Variants in AMBRA1 observed in about 807,000 individuals in gnomAD.
AMBRA1 encodes activating molecule in BECN1-regulated autophagy protein 1.
In AMBRA1, 47 loss-of-function variants were observed where a neutral mutation model predicts 125.4. The observed-to-expected ratio is 0.37, with a 90% CI of 0.30 to 0.48. The LOEUF (loss-of-function observed/expected upper bound fraction) is 0.48. Ranked by LOEUF, AMBRA1 falls within the 20% of genes least tolerant of loss-of-function variation. AMBRA1 has a pLI of 0.99. For synonymous variants in AMBRA1, 626 were observed against 655.5 expected (o/e 0.95, Z 0.69); for missense variants, 1,331 against 1,693.4 (o/e 0.79, Z 3.76).
intron 7 of AMBRA1, among the ~76,000 whole-genome samples, chr11:46,539,858 G>A (rs1455618044): frequency 6.6e-6 from 1 of 152,032 alleles, no homozygotes; most frequent in African/African-American, 2.4e-5. Flanking sequence ...TTGAGATGGA[G>A]TCTTGCTCCA....
intron 11 of AMBRA1, among the ~76,000 whole-genome samples, chr11:46,457,413 AG>A (rs942424702): frequency 1.3e-5 from 2 of 152,226 alleles, no homozygotes; most frequent in African/African-American, 4.8e-5. Flanking sequence ...TCACCTTGGA[AG>A]GGGGGAAAAA....
At chr11:46,531,587 G>C (rs1443061805) in intron 7 of AMBRA1, among the ~76,000 whole-genome samples, 1 of 152,044 alleles carries the variant, frequency 6.6e-6, no homozygotes, top group Non-Finnish European at 1.5e-5. Context: ...GTGGGCACCT[G>C]TAATCCCAGC....
intron 7 of AMBRA1, among the ~76,000 whole-genome samples, chr11:46,540,886 T>C (rs988591283): frequency 6.6e-6 from 1 of 152,166 alleles, no homozygotes; most frequent in Non-Finnish European, 1.5e-5. Flanking sequence ...CCACAGTGCC[T>C]AGCACAGTGT....
rs1056447708 is a variant in AMBRA1, at chr11:46,410,967, G to A, written c.3117-599C>T. 2.6e-5 allele frequency among the ~76,000 whole-genome samples: 4 copies of A among 152,272 alleles called. 1 individual carries two copies. In the South Asian group the frequency reaches 8.3e-4, roughly 32 times the overall value. ...AATACAAAAATTAGCTGGCCGTGGT[G>A]GCACATGCCTGTAGTCCCAGCTACT... On this transcript the variant is annotated intron_variant, in intron 15 of 17. Coordinates refer to ENST00000683756, the MANE Select transcript of AMBRA1 (RefSeq NM_001387011.1).
chr11:46,520,444 C>T (rs912428889), intron 7 of AMBRA1, among the ~76,000 whole-genome samples: 1 of 152,176 alleles, frequency 6.6e-6, no homozygotes, highest in African/African-American at 2.4e-5. Context: ...CACTATCCCA[C>T]CTACGTTATT....
intron 11 of AMBRA1, among the ~76,000 whole-genome samples, chr11:46,476,417 G>A (rs879733169): frequency 6.6e-6 from 1 of 152,240 alleles, no homozygotes; most frequent in African/African-American, 2.4e-5. Flanking sequence ...AGATAATAGT[G>A]GTGGGGAGAT....
At chr11:46,593,518 G>C (rs2044681884) in intron 1 of AMBRA1, among the ~76,000 whole-genome samples, 1 of 152,178 alleles carries the variant, frequency 6.6e-6, no homozygotes, top group Non-Finnish European at 1.5e-5. Context: ...AGAAAGGAAG[G>C]AGGGTCAAAG....
rs1489172582 is a variant in AMBRA1, at chr11:46,546,908, T to C, written c.378+205A>G. On this transcript the variant is annotated intron_variant, in intron 4 of 17. Coordinates refer to ENST00000683756, the MANE Select transcript of AMBRA1 (RefSeq NM_001387011.1). ...CAACATAGTGAATCCCCGTCTCTAC[T>C]AAAAACACAAAAATGAGCCAGGCAT... The C allele has an allele frequency of 1.8e-5, 8 of 439,356 alleles. No homozygotes were observed. In the South Asian group the frequency reaches 2.3e-4, roughly 13 times the overall value. 27.2% of individuals were successfully genotyped at this position (439,356 alleles called of 1,614,324 possible).
chr11:46,574,375 G>A (rs942674871), intron 1 of AMBRA1, among the ~76,000 whole-genome samples: 1 of 151,172 alleles, frequency 6.6e-6, no homozygotes, highest in African/African-American at 2.5e-5. Context: ...GTGTGAGATG[G>A]TATCTCATTG....
chr11:46,593,160 CA>C (rs1315360874), intron 1 of AMBRA1, among the ~76,000 whole-genome samples: 4 of 152,194 alleles, frequency 2.6e-5, no homozygotes, highest in Non-Finnish European at 5.9e-5. Context: ...ATATTCCTAA[CA>C]GTCTATATTC....
chr11:46,448,804 T>C (rs1467392337), intron 11 of AMBRA1, among the ~76,000 whole-genome samples: 1 of 152,164 alleles, frequency 6.6e-6, no homozygotes, highest in Non-Finnish European at 1.5e-5. Flanking sequence ...AATAAGGGAA[T>C]ACTATGAACA....
intron 11 of AMBRA1, among the ~76,000 whole-genome samples, chr11:46,489,067 A>AT (rs902842292): frequency 1.0e-3 from 156 of 148,714 alleles, no homozygotes; most frequent in Non-Finnish European, 1.4e-3. Flanking sequence ...CGCCCGGTTA[A>AT]TTTTTTTTTT....
At chr11:46,589,447 C>T (rs1377479317) in intron 1 of AMBRA1, among the ~76,000 whole-genome samples, 2 of 152,106 alleles carry the variant, frequency 1.3e-5, no homozygotes, top group Non-Finnish European at 2.9e-5. Flanking sequence ...TTAAAGGAAC[C>T]TAAGTTTTTT....
Position 46,397,594 on chromosome 11 carries a change from G to T in AMBRA1, c.3753C>A (p.Ser1251=), listed in dbSNP as rs747977891. ...GGGAAACAGGAATGGGGACAGGGGAGGAAGAGGGCAGGGTTGGCTGGGTTG... is the reference window on the plus strand; with the variant it reads ...GGGAAACAGGAATGGGGACAGGGGATGAAGAGGGCAGGGTTGGCTGGGTTG... ...REPTQPTLPS[S]SPVPIPVSLP... The change falls in exon 18 of 18, where the codon TCC becomes TCA. Residue 1251 remains serine, a synonymous_variant. Coordinates refer to ENST00000683756, the MANE Select transcript of AMBRA1 (RefSeq NM_001387011.1). 1.2e-6 allele frequency: 2 copies of T among 1,603,566 alleles called. No individual in the cohort carries two copies. Among genetic ancestry groups the T allele is most frequent in the South Asian group, 2.2e-5 (2 of 89,532 alleles).
chr11:46,503,016 G>T (rs1400314032), intron 9 of AMBRA1, among the ~76,000 whole-genome samples: 1 of 137,752 alleles, frequency 7.3e-6, no homozygotes, highest in Non-Finnish European at 1.5e-5. Flanking sequence ...AGCCGAGATT[G>T]TGCCGCTGCA....
At chr11:46,424,225 A>G (rs1191402371) in intron 14 of AMBRA1, among the ~76,000 whole-genome samples, 2 of 152,206 alleles carry the variant, frequency 1.3e-5, no homozygotes, top group Non-Finnish European at 2.9e-5. Flanking sequence ...CCCAGCAGAA[A>G]AAAAGGGCAA....
chr11:46,529,731 C>A (rs534539886), intron 7 of AMBRA1, among the ~76,000 whole-genome samples: 16 of 152,022 alleles, frequency 1.1e-4, no homozygotes, highest in Non-Finnish European at 1.8e-4. Flanking sequence ...AATCCAGATA[C>A]CCGAATTGAT....
chr11:46,524,642 T>G (rs1951892067), intron 7 of AMBRA1, among the ~76,000 whole-genome samples: 1 of 152,150 alleles, frequency 6.6e-6, no homozygotes, highest in Non-Finnish European at 1.5e-5. Flanking sequence ...ACATGGTTAT[T>G]ATGATTAAGA....
At chr11:46,551,322 T>G (rs2042989508) in intron 1 of AMBRA1, among the ~76,000 whole-genome samples, 1 of 152,092 alleles carries the variant, frequency 6.6e-6, no homozygotes, top group Non-Finnish European at 1.5e-5. Context: ...TTTATTTTTA[T>G]TTTTTAAAGA....
Sources: allele counts gnomAD v4.1 joint callset (sites outside exome capture counted in the v4.1 genomes callset), GRCh38; gene constraint gnomAD v4.1.1; transcripts MANE v1.5; gene names NCBI Gene and HGNC (gene_info 2026-07-23, HGNC 2026-07-21).